ZC3H12B: variants seen among roughly 807,000 people sequenced by gnomAD.
The protein encoded by ZC3H12B is probable ribonuclease ZC3H12B.
A neutral mutation model predicts 43.9 loss-of-function variants in ZC3H12B; 7 were observed. The observed-to-expected ratio is 0.16, with a 90% CI of 0.09 to 0.30. The LOEUF is 0.30. Among genes scored for constraint, ZC3H12B ranks in the 10% least tolerant of loss-of-function variants. The pLI is 1.00. For synonymous variants in ZC3H12B, 222 were observed against 241.7 expected (o/e 0.92, Z 0.76); for missense variants, 475 against 670.2 (o/e 0.71, Z 3.22).
intron 2 of ZC3H12B, among the ~76,000 whole-genome samples, chrX:65,387,354 A>G (rs2066542380): frequency 8.9e-6 from 1 of 111,887 alleles, no homozygotes; most frequent in Admixed American, 9.5e-5. Flanking sequence ...TATTTAGGAT[A>G]GTTAGATTTT....
At chrX:65,433,668 G>A (rs957309891) in intron 3 of ZC3H12B, among the ~76,000 whole-genome samples, 4 of 111,893 alleles carry the variant, frequency 3.6e-5, no homozygotes, top group African/African-American at 9.7e-5. Flanking sequence ...TCTAGTAGTC[G>A]CTGGAAAGTC....
rs1317891093 is a variant in ZC3H12B at position 65,460,304 on chromosome X, A to G, written n.408-28342A>G. On this transcript the variant is annotated intron_variant and non_coding_transcript_variant, in intron 3 of 5. Coordinates refer to the ZC3H12B transcript ENST00000617377. ...CTGCCCAAGGTAATTTATAGATTCA[A>G]TGCCATCCCCATCAAGCTACCAATG... Among the ~76,000 whole-genome samples, 3 of 112,003 alleles carry G rather than the reference A, an allele frequency of 2.7e-5. No homozygotes were observed. The East Asian group carries it at 8.4e-4, about 31-fold the overall frequency.
the ZC3H12B span, among the ~76,000 whole-genome samples, chrX:65,069,676 T>G: frequency 8.9e-6 from 1 of 111,974 alleles, no homozygotes; most frequent in East Asian, 2.8e-4. Context: ...TGAATTTTAT[T>G]GAAAGCCTTT....
chrX:65,232,221 A>T, the ZC3H12B span, among the ~76,000 whole-genome samples: 1 of 111,148 alleles, frequency 9.0e-6, no homozygotes, highest in East Asian at 2.8e-4. Flanking sequence ...AGCCTGGGTG[A>T]CAGAGTAAGA....
At chrX:65,241,613 C>T in the ZC3H12B span, among the ~76,000 whole-genome samples, 11 of 112,929 alleles carry the variant, frequency 9.7e-5, no homozygotes, top group Non-Finnish European at 1.5e-4. Flanking sequence ...AGCAGCTGTG[C>T]TGCATTGTGT....
chrX:65,429,798 C>T (rs2067131472), intron 3 of ZC3H12B, among the ~76,000 whole-genome samples: 1 of 112,283 alleles, frequency 8.9e-6, no homozygotes, highest in African/African-American at 3.2e-5. Context: ...CTTAAAGAAG[C>T]AGTCTAGCCA....
At chrX:65,243,577 T>C in the ZC3H12B span, among the ~76,000 whole-genome samples, 1 of 111,666 alleles carries the variant, frequency 9.0e-6, no homozygotes, top group East Asian at 2.8e-4. Context: ...ATCAAAAAAC[T>C]AAAAATAGAA....
chrX:65,245,893 GT>G, the ZC3H12B span, among the ~76,000 whole-genome samples: 13 of 109,729 alleles, frequency 1.2e-4, no homozygotes, highest in Non-Finnish European at 2.1e-4. Context: ...CCTGCACGTT[GT>G]GCACATGTAC....
intron 2 of ZC3H12B, among the ~76,000 whole-genome samples, chrX:65,372,471 AGAGGAAGG>A (rs1311797909): frequency 9.8e-6 from 1 of 102,375 alleles, no homozygotes; most frequent in Non-Finnish European, 2.0e-5. Context: ...AGGACAGGAG[AGAGGAAGG>A]GAGGAAGGGA....
chrX:65,113,985 G>GCATATATA, the ZC3H12B span, among the ~76,000 whole-genome samples: 2 of 47,483 alleles, frequency 4.2e-5, no homozygotes, highest in South Asian at 5.5e-3. Flanking sequence ...AGATATGCTT[G>GCATATATA]TATATATATA....
chrX:65,240,584 C>T, the ZC3H12B span, among the ~76,000 whole-genome samples: 3 of 111,774 alleles, frequency 2.7e-5, no homozygotes, highest in African/African-American at 9.8e-5. Context: ...CCACCTCAGC[C>T]TCAGCCCCAG....
chrX:65,098,613 G>A, the ZC3H12B span, among the ~76,000 whole-genome samples: 2 of 110,089 alleles, frequency 1.8e-5, no homozygotes, highest in Admixed American at 9.7e-5. Flanking sequence ...GAAGCAGGGT[G>A]GGGTGTCACC....
chrX:65,255,904 C>A, the ZC3H12B span, among the ~76,000 whole-genome samples: 2 of 112,142 alleles, frequency 1.8e-5, no homozygotes, highest in Admixed American at 1.9e-4. Context: ...TCAGACAAAA[C>A]TGACTTTAAA....
intron 3 of ZC3H12B, among the ~76,000 whole-genome samples, chrX:65,446,155 G>A (rs1027388875): frequency 2.7e-5 from 3 of 112,033 alleles, no homozygotes; most frequent in African/African-American, 9.7e-5. Context: ...GGGAACTGGG[G>A]CCTGGAATGG....
At chrX:65,245,840 G>A in the ZC3H12B span, among the ~76,000 whole-genome samples, 1 of 110,292 alleles carries the variant, frequency 9.1e-6, no homozygotes, top group African/African-American at 3.3e-5. Flanking sequence ...GGAAGTTCTG[G>A]CCAGGGCAAT....
At chrX:65,068,105 CTTT>C in the ZC3H12B span, among the ~76,000 whole-genome samples, 3 of 60,813 alleles carry the variant, frequency 4.9e-5, no homozygotes, top group African/African-American at 1.4e-4. Context: ...CTTGATGTTA[CTTT>C]TTTTTTTTTT....
the ZC3H12B span, among the ~76,000 whole-genome samples, chrX:65,312,461 G>A: frequency 2.7e-5 from 3 of 109,281 alleles, no homozygotes; most frequent in African/African-American, 6.7e-5. Flanking sequence ...CTCTGTGCTG[G>A]CAGCACAAGC....
the ZC3H12B span, among the ~76,000 whole-genome samples, chrX:65,339,796 GC>G: frequency 9.0e-6 from 1 of 111,528 alleles, no homozygotes; most frequent in Non-Finnish European, 1.9e-5. Flanking sequence ...AAGTGGGGTG[GC>G]CCCCATGATC....
At chrX:65,179,141 G>A in the ZC3H12B span, among the ~76,000 whole-genome samples, 1 of 110,618 alleles carries the variant, frequency 9.0e-6, no homozygotes, top group Non-Finnish European at 1.9e-5. Context: ...ATCATTCTCA[G>A]CAGACTAACA....
Sources: allele counts gnomAD v4.1 joint callset (sites outside exome capture counted in the v4.1 genomes callset), GRCh38; gene constraint gnomAD v4.1.1; transcripts MANE v1.5; gene names NCBI Gene and HGNC (gene_info 2026-07-23, HGNC 2026-07-21).